Variants in SH3D19 observed in about 807,000 individuals in gnomAD.
SH3D19 encodes SH3 domain containing 19.
SH3D19 carries 58 observed loss-of-function variants against 112.1 expected under a neutral mutation model. The ratio of observed to expected loss-of-function variants is 0.52; its 90% confidence interval spans 0.42 to 0.64. SH3D19 has a LOEUF of 0.64. Among genes scored for constraint, SH3D19 ranks in the 30% least tolerant of loss-of-function variants. The pLI, the probability that SH3D19 is intolerant of heterozygous loss-of-function variation, is 0.00. For missense variants in SH3D19, 1,090 were observed against 1,263.4 expected, an observed-to-expected ratio of 0.86 and a Z score of 2.08; for synonymous variants, 391 against 448.5, an observed-to-expected ratio of 0.87 and a Z score of 1.62.
intron 1 of SH3D19, among the ~76,000 whole-genome samples, chr4:151,283,508 C>CTTTTTTTTTT (rs5862956): frequency 7.9e-6 from 1 of 126,540 alleles, no homozygotes. Context: ...GGTCATTGGA[C>CTTTTTTTTTT]TTTTTTTTTT....
rs750608841 is a variant in SH3D19, at chr4:151,127,629, G to C, written c.3016C>G (p.Leu1006Val). ...ATACACATTCTGACCTTGAAGGAAA[G>C]TTCATCTTCATTCTCCCCTCGGAAA... The part of the protein sequence containing the change: ...YDFRGENEDE[L>V]SFKAGDIITE... The change falls in exon 19 of 20, where the codon CTT becomes GTT. Residue 1006 changes from leucine to valine, a missense_variant. By Grantham distance (32) the Leu-to-Val change is conservative. Coordinates refer to ENST00000604030, the MANE Select transcript of SH3D19 (RefSeq NM_001378122.1). 3 of 1,597,830 alleles carry C rather than the reference G, an allele frequency of 1.9e-6. No homozygotes were observed. Among genetic ancestry groups the C allele is most frequent in the Admixed American group, 1.8e-5 (1 of 56,390 alleles).
At chr4:151,216,643 A>G (rs1767154173) in intron 2 of SH3D19, among the ~76,000 whole-genome samples, 1 of 152,176 alleles carries the variant, frequency 6.6e-6, no homozygotes, top group Non-Finnish European at 1.5e-5. Flanking sequence ...GCCCATCTTG[A>G]GAAAAAGTAA....
At chr4:151,212,173 T>A (rs1766074652) in intron 2 of SH3D19, among the ~76,000 whole-genome samples, 1 of 152,252 alleles carries the variant, frequency 6.6e-6, no homozygotes, top group South Asian at 2.1e-4. Flanking sequence ...TATTTTTTAG[T>A]AACAAGTTCT....
chr4:151,262,155 G>T (rs1023241338), intron 1 of SH3D19, among the ~76,000 whole-genome samples: 1 of 152,234 alleles, frequency 6.6e-6, no homozygotes, highest in Non-Finnish European at 1.5e-5. Flanking sequence ...AGGGAGCTCA[G>T]CCTTTAGGTT....
chr4:151,194,277 AC>A (rs1218007843), intron 2 of SH3D19, among the ~76,000 whole-genome samples: 2 of 150,624 alleles, frequency 1.3e-5, no homozygotes, highest in Non-Finnish European at 3.0e-5. Context: ...TCCACCCACC[AC>A]GGCCTCCCAA....
chr4:151,269,567 T>C (rs972132777), intron 1 of SH3D19, among the ~76,000 whole-genome samples: 1 of 152,178 alleles, frequency 6.6e-6, no homozygotes, highest in Non-Finnish European at 1.5e-5. Context: ...AGGGTTTTTA[T>C]GGTTTTGGGT....
chr4:151,137,818 G>A lies in SH3D19; in HGVS notation c.2341C>T (p.Leu781Phe). 1.2e-6 allele frequency: 2 copies of A among 1,610,386 alleles called. No individual in the cohort carries two copies. Among genetic ancestry groups the A allele is most frequent in the Non-Finnish European group, 1.7e-6 (2 of 1,178,526 alleles). The change falls in exon 14 of 20, where the codon CTT (leucine) becomes TTT (phenylalanine). Residue 781 changes from leucine to phenylalanine, a missense_variant. Transcript: ENST00000604030. ...CAATCTGTATCTATCTTCTCCAGAA[G>A]ATAAACAATTTCTCCAGAAGTGAGG... ...LNLTSGEIVY[L>F]LEKIDTDWYR...
At chr4:151,218,234 A>G (rs1218269153) in intron 2 of SH3D19, among the ~76,000 whole-genome samples, 1 of 152,150 alleles carries the variant, frequency 6.6e-6, no homozygotes, top group Non-Finnish European at 1.5e-5. Flanking sequence ...AGTACAGGTA[A>G]AATCTGAAGT....
At chr4:151,255,304 C>G (rs1271346274) in intron 1 of SH3D19, among the ~76,000 whole-genome samples, 10 of 150,106 alleles carry the variant, frequency 6.7e-5, no homozygotes, top group African/African-American at 2.2e-4. Context: ...CTCCTCACTT[C>G]TCAGACGGGG....
At chr4:151,274,775 A>C (rs998965676) in intron 1 of SH3D19, among the ~76,000 whole-genome samples, 1 of 152,196 alleles carries the variant, frequency 6.6e-6, no homozygotes, top group Non-Finnish European at 1.5e-5. Context: ...CACAGACTAG[A>C]CGAACTTAAC....
intron 1 of SH3D19, among the ~76,000 whole-genome samples, chr4:151,233,599 C>T (rs2407223): frequency 0.69 from 105,451 of 152,148 alleles, 41,775 homozygotes; most frequent in Non-Finnish European, 0.89. Flanking sequence ...ACACTGGGTA[C>T]ACCAGGATAA....
intron 4 of SH3D19, among the ~76,000 whole-genome samples, chr4:151,179,092 A>G (rs1340806624): frequency 6.6e-6 from 1 of 152,256 alleles, no homozygotes; most frequent in African/African-American, 2.4e-5. Context: ...AATGCTTTAC[A>G]TGTAACAGCT....
At chr4:151,155,028 G>A (rs1183281387) in intron 9 of SH3D19, among the ~76,000 whole-genome samples, 2 of 152,150 alleles carry the variant, frequency 1.3e-5, no homozygotes, top group African/African-American at 4.8e-5. Flanking sequence ...AAAGTGCTGG[G>A]ATTACAGGTG....
chr4:151,309,652 C>T (rs559271534), intron 1 of SH3D19, among the ~76,000 whole-genome samples: 2 of 152,300 alleles, frequency 1.3e-5, no homozygotes, highest in South Asian at 4.1e-4. Context: ...ATCAAAACCA[C>T]AATTAGATAC....
At chr4:151,211,802 A>T (rs1258117256) in intron 2 of SH3D19, among the ~76,000 whole-genome samples, 1 of 152,208 alleles carries the variant, frequency 6.6e-6, no homozygotes, top group Non-Finnish European at 1.5e-5. Flanking sequence ...GGAAACTGCA[A>T]ACTGCACAAA....
At chr4:151,320,430 A>C (rs1730422298) in intron 1 of SH3D19, among the ~76,000 whole-genome samples, 1 of 152,240 alleles carries the variant, frequency 6.6e-6, no homozygotes. Context: ...TTAGGGGACA[A>C]TAAAGGAAAT....
At chr4:151,281,525 G>C (rs1774235448) in intron 1 of SH3D19, among the ~76,000 whole-genome samples, 1 of 152,026 alleles carries the variant, frequency 6.6e-6, no homozygotes, top group Admixed American at 6.6e-5. Context: ...TAGGAACTCA[G>C]GATTCTAAAA....
intron 1 of SH3D19, among the ~76,000 whole-genome samples, chr4:151,265,423 A>G (rs1364417924): frequency 1.3e-5 from 2 of 151,950 alleles, no homozygotes; most frequent in African/African-American, 4.8e-5. Context: ...CAAAAAATAG[A>G]AGGAGATAAA....
intron 11 of SH3D19, among the ~76,000 whole-genome samples, chr4:151,147,140 C>A (rs757285584): frequency 4.3e-4 from 65 of 152,172 alleles, no homozygotes; most frequent in Non-Finnish European, 7.1e-4. Context: ...CCCAGCTACT[C>A]AGAAGTGTGA....
Sources: gnomAD v4.1 joint callset for allele counts (sites outside exome capture counted in the v4.1 genomes callset) on GRCh38, gnomAD v4.1.1 for gene constraint, MANE v1.5 for transcripts, NCBI Gene and HGNC (gene_info 2026-07-23, HGNC 2026-07-21) for gene names.